VPS54: variants seen among roughly 807,000 people sequenced by gnomAD.
VPS54 encodes the protein vacuolar protein sorting-associated protein 54.
In VPS54, 45 loss-of-function variants were observed where a neutral mutation model predicts 121.5. The ratio of observed to expected loss-of-function variants is 0.37; its 90% CI spans 0.29 to 0.47. The LOEUF (loss-of-function observed/expected upper bound fraction) is 0.47, where lower values mean the gene tolerates loss of function less well. VPS54 is among the 20% of genes least tolerant of loss of function. VPS54 has a pLI of 0.99. For synonymous variants in VPS54, 371 were observed against 385.8 expected, an observed-to-expected ratio of 0.96 and a Z score of 0.45; for missense variants, 1,090 against 1,131.4, an observed-to-expected ratio of 0.96 and a Z score of 0.52.
intron 11 of VPS54, among the ~76,000 whole-genome samples, chr2:63,940,664 G>A (rs1674681014): frequency 6.6e-6 from 1 of 152,148 alleles, no homozygotes; most frequent in Non-Finnish European, 1.5e-5. Context: ...TTTGGTATAA[G>A]TTGTTTCACT....
At chr2:63,897,867 G>A (rs920666825) in intron 21 of VPS54, among the ~76,000 whole-genome samples, 9 of 152,120 alleles carry the variant, frequency 5.9e-5, no homozygotes, top group African/African-American at 1.9e-4. Flanking sequence ...AAAGTAGTGG[G>A]GAATTTTGTA....
intron 11 of VPS54, among the ~76,000 whole-genome samples, chr2:63,938,956 A>G (rs1488517678): frequency 2.6e-5 from 4 of 152,262 alleles, no homozygotes; most frequent in South Asian, 2.1e-4. Flanking sequence ...ACACTAAAAA[A>G]ATACAAATAA....
In VPS54 at chr2:63,943,225, T is replaced by C. The variant is rs1290891852; in HGVS notation, c.1302-664A>G. Reference sequence around the variant, plus strand: ...TTGACAGAAATCATTAACTTCAAGGTGAAAAAAAGTAATACAAATTCATTC... The same window carrying C: ...TTGACAGAAATCATTAACTTCAAGGCGAAAAAAAGTAATACAAATTCATTC... On this transcript the variant is annotated intron_variant, in intron 10 of 22. Transcript: ENST00000272322. 3.3e-5 allele frequency among the ~76,000 whole-genome samples: 5 copies of C among 152,246 alleles called. No individual in the cohort carries two copies. The East Asian group carries it at 9.6e-4, about 29-fold the overall frequency.
chr2:64,010,422 G>C (rs1489305579), intron 1 of VPS54, among the ~76,000 whole-genome samples: 1 of 152,178 alleles, frequency 6.6e-6, no homozygotes, highest in East Asian at 1.9e-4. Context: ...CCAAAGATCA[G>C]TTTGACAGAA....
rs1400236093 is a variant in VPS54, at chr2:64,016,075, G to C, written c.-21+2863C>G. Among the ~76,000 whole-genome samples, 7 of 152,310 alleles carry C rather than the reference G, an allele frequency of 4.6e-5. 1 individual carries two copies. The highest frequency in any genetic ancestry group is 3.3e-4 in the Admixed American group (5 of 15,298). On this transcript the variant is annotated intron_variant, in intron 1 of 22. Coordinates refer to ENST00000272322, the MANE Select transcript of VPS54 (RefSeq NM_016516.3). Reference sequence around the variant, plus strand: ...AGAGATTCAAGCTTCTAATCTCCATGTTTCCTCATCTGGTTGCTGCCAACT... The same window carrying C: ...AGAGATTCAAGCTTCTAATCTCCATCTTTCCTCATCTGGTTGCTGCCAACT...
intron 20 of VPS54, among the ~76,000 whole-genome samples, chr2:63,911,165 A>G (rs1673132874): frequency 6.6e-6 from 1 of 152,248 alleles, no homozygotes; most frequent in East Asian, 1.9e-4. Context: ...AGAATGCTGT[A>G]TATCAAAAAG....
intron 1 of VPS54, among the ~76,000 whole-genome samples, chr2:63,984,278 T>C (rs1051357147): frequency 3.9e-5 from 6 of 152,218 alleles, no homozygotes; most frequent in Non-Finnish European, 8.8e-5. Flanking sequence ...GTACCCAACA[T>C]ATATTAAAGA....
chr2:63,912,689 T>G, intron 18 of VPS54, 28 bp from the exon 19 acceptor site: 1 of 1,536,708 alleles, frequency 6.5e-7, no homozygotes, highest in South Asian at 1.3e-5. Context: ...AGATATATAA[T>G]GGAGAAATAA....
chr2:63,967,670 G>T (rs1383474855), intron 5 of VPS54, among the ~76,000 whole-genome samples: 7 of 132,912 alleles, frequency 5.3e-5, no homozygotes, highest in African/African-American at 2.0e-4. Flanking sequence ...AGTGAGCCAA[G>T]ATTGTGCCAC....
intron 7 of VPS54, among the ~76,000 whole-genome samples, chr2:63,959,385 T>A (rs951824525): frequency 1.2e-4 from 18 of 152,216 alleles, no homozygotes; most frequent in African/African-American, 4.3e-4. Flanking sequence ...TAAATTGCTA[T>A]ATGTTTATTG....
chr2:63,953,025 T>TAA (rs1462754036), intron 7 of VPS54, among the ~76,000 whole-genome samples: 1 of 151,710 alleles, frequency 6.6e-6, no homozygotes, highest in African/African-American at 2.4e-5. Context: ...AAAGAATTGA[T>TAA]AAATACCTAT....
At chr2:63,989,448 CT>C (rs1163414653) in intron 1 of VPS54, among the ~76,000 whole-genome samples, 1 of 152,194 alleles carries the variant, frequency 6.6e-6, no homozygotes, top group African/African-American at 2.4e-5. Context: ...TAAAATTTCT[CT>C]CTTTTGTACT....
intron 6 of VPS54, among the ~76,000 whole-genome samples, 187 bp from the exon 7 acceptor site, chr2:63,962,630 G>A (rs910911792): frequency 1.3e-5 from 2 of 152,140 alleles, no homozygotes; most frequent in East Asian, 3.8e-4. Context: ...ACACCCCAAA[G>A]ATATAAATGT....
intron 11 of VPS54, among the ~76,000 whole-genome samples, chr2:63,936,980 C>A (rs762326471): frequency 1.3e-5 from 2 of 152,074 alleles, no homozygotes; most frequent in African/African-American, 2.4e-5. Flanking sequence ...CTGTCTTATA[C>A]CACCTATAAA....
At chr2:63,946,524 G>T (rs1394906847) in intron 9 of VPS54, among the ~76,000 whole-genome samples, 1 of 151,982 alleles carries the variant, frequency 6.6e-6, no homozygotes, top group Non-Finnish European at 1.5e-5. Context: ...AAGAGGGGAT[G>T]ATTATAATTT....
chr2:63,929,970 T>C (rs1489076199), intron 12 of VPS54, among the ~76,000 whole-genome samples: 2 of 152,124 alleles, frequency 1.3e-5, no homozygotes, highest in Admixed American at 6.5e-5. Context: ...CAGGAAGAAG[T>C]TGAATCTCTG....
Position 63,921,279 on chromosome 2 carries a change from A to G in VPS54, c.1796T>C (p.Ile599Thr). The G allele has an allele frequency of 6.2e-7, 1 of 1,613,274 alleles. No homozygotes were observed. The highest frequency in any genetic ancestry group is 8.5e-7 in the Non-Finnish European group (1 of 1,179,546). Residue 599 changes from isoleucine (I) to threonine (T), a missense_variant, in exon 13 of 23, where the codon ATC becomes ACC. By Grantham distance (89) the Ile-to-Thr change is moderately conservative. This residue lies in a region of VPS54 where 801 missense variants were observed against 757.0 expected (regional missense o/e 1.06). Transcript: ENST00000272322. Reference sequence around the variant, plus strand: ...TGAGGCACTATATAATAATTCCTGGATATTATTTGCCAGCTTTCCTAGCTC... The same window carrying G: ...TGAGGCACTATATAATAATTCCTGGGTATTATTTGCCAGCTTTCCTAGCTC... ...DSELGKLANN[I>T]QELLYSASDI...
chr2:63,987,918 T>TAA (rs1677129650), intron 1 of VPS54, among the ~76,000 whole-genome samples: 1 of 152,232 alleles, frequency 6.6e-6, no homozygotes, highest in Non-Finnish European at 1.5e-5. Context: ...AATCATTTTT[T>TAA]GATGAATTCT....
chr2:63,990,101 C>T (rs1677243730), intron 1 of VPS54, among the ~76,000 whole-genome samples: 1 of 152,266 alleles, frequency 6.6e-6, no homozygotes, highest in South Asian at 2.1e-4. Context: ...CCCGTGACCC[C>T]CTACAGTTAA....
Sources: allele counts gnomAD v4.1 joint callset (sites outside exome capture counted in the v4.1 genomes callset), GRCh38; gene constraint gnomAD v4.1.1; regional missense constraint gnomAD v4.1.1; transcripts MANE v1.5; gene names NCBI Gene and HGNC (gene_info 2026-07-23, HGNC 2026-07-21).